Variants in HSD17B12 observed in about 807,000 individuals in gnomAD.
HSD17B12 encodes the protein very-long-chain 3-oxoacyl-CoA reductase.
Under a neutral mutation model 39.3 loss-of-function variants are expected in HSD17B12, and 32 were observed. The ratio of observed to expected loss-of-function variants is 0.81; its 90% CI spans 0.61 to 1.09. The LOEUF (loss-of-function observed/expected upper bound fraction) is 1.09, where lower values mean the gene tolerates loss of function less well. Ranked by LOEUF, HSD17B12 falls within the 50% of genes least tolerant of loss-of-function variation. The pLI is 0.00. For missense variants in HSD17B12, 342 were observed against 382.9 expected (o/e 0.89, Z 0.89); for synonymous variants, 150 against 146.7 (o/e 1.02, Z -0.16).
the HSD17B12 span, among the ~76,000 whole-genome samples, chr11:43,564,780 G>T: frequency 1.3e-5 from 2 of 152,154 alleles, no homozygotes; most frequent in Admixed American, 6.5e-5. Flanking sequence ...TGCTAATACT[G>T]GTGGCCCAGA....
intron 3 of HSD17B12, among the ~76,000 whole-genome samples, chr11:43,791,027 T>A (rs543195999): frequency 3.1e-4 from 47 of 151,654 alleles, no homozygotes; most frequent in African/African-American, 1.1e-3. Context: ...AAAAAAACTG[T>A]GTAGGGTGGG....
chr11:43,586,133 C>T, the HSD17B12 span, among the ~76,000 whole-genome samples: 2 of 152,164 alleles, frequency 1.3e-5, no homozygotes, highest in South Asian at 4.1e-4. Context: ...GCTATCACTA[C>T]CACATAATAC....
the HSD17B12 span, among the ~76,000 whole-genome samples, chr11:43,657,302 C>T: frequency 2.6e-5 from 4 of 152,176 alleles, no homozygotes; most frequent in Non-Finnish European, 5.9e-5. Flanking sequence ...TGTCTCTGCA[C>T]GTGAAATGGG....
intron 5 of HSD17B12, 107 bp downstream of exon 5, chr11:43,815,608 G>C: frequency 1.6e-6 from 1 of 618,598 alleles, no homozygotes; most frequent in South Asian, 3.0e-5. Flanking sequence ...TTCACACGCT[G>C]GCTCTTCTGT....
the HSD17B12 span, among the ~76,000 whole-genome samples, chr11:43,668,523 T>C: frequency 1.3e-5 from 2 of 152,172 alleles, no homozygotes; most frequent in African/African-American, 4.8e-5. Context: ...ATGGATATCT[T>C]TAGAAGGTCA....
At chr11:43,718,502 A>T (rs1287454198) in intron 1 of HSD17B12, among the ~76,000 whole-genome samples, 1 of 152,158 alleles carries the variant, frequency 6.6e-6, no homozygotes, top group Non-Finnish European at 1.5e-5. Flanking sequence ...CCCATCCCCC[A>T]TCCAACATAC....
chr11:43,843,837 C>T lies in HSD17B12; in HGVS notation c.684+3773C>T, dbSNP rs560561492. ...TACCTCTGCCTGCTACTGTCTGGCC[C>T]TTCCCTGTCTCCCCACTTCCATGTA... On this transcript the variant is annotated intron_variant, in intron 9 of 10. Coordinates refer to ENST00000278353, the MANE Select transcript of HSD17B12 (RefSeq NM_016142.3). Among the ~76,000 whole-genome samples, 10 of 152,320 alleles carry T rather than the reference C, an allele frequency of 6.6e-5. No individual in the cohort carries two copies. The East Asian group carries it at 1.9e-3, about 29-fold the overall frequency.
intron 1 of HSD17B12, chr11:43,734,461 G>C (rs1205474067): frequency 4.4e-6 from 3 of 685,984 alleles, no homozygotes; most frequent in Admixed American, 2.1e-5. Flanking sequence ...GCCTGATCGA[G>C]CTGTGTAAGC....
the HSD17B12 span, among the ~76,000 whole-genome samples, chr11:43,613,328 G>T: frequency 6.6e-6 from 1 of 151,764 alleles, no homozygotes. Flanking sequence ...AAAGGCAGAG[G>T]TTGCAGTGAG....
the HSD17B12 span, among the ~76,000 whole-genome samples, chr11:43,667,395 G>T: frequency 6.6e-6 from 1 of 151,908 alleles, no homozygotes; most frequent in Non-Finnish European, 1.5e-5. Context: ...CAAGTGATCC[G>T]CCCGCCTCAG....
intron 3 of HSD17B12, among the ~76,000 whole-genome samples, chr11:43,771,459 A>ATT (rs1950648349): frequency 2.2e-5 from 2 of 92,852 alleles, no homozygotes; most frequent in Admixed American, 1.1e-4. Context: ...GTGGACTCAT[A>ATT]TTCTTTTTTT....
intron 6 of HSD17B12, 120 bp from the exon 7 acceptor site, chr11:43,830,856 C>G: frequency 1.3e-6 from 1 of 756,754 alleles, no homozygotes; most frequent in Non-Finnish European, 2.3e-6. Flanking sequence ...AACCTGCTGT[C>G]TGTAGAAGTG....
intron 7 of HSD17B12, chr11:43,834,173 C>T (rs565182839): frequency 3.3e-5 from 5 of 152,246 alleles, no homozygotes; most frequent in Non-Finnish European, 7.4e-5. Context: ...CCCCTATGTT[C>T]TAAGATTCTT....
At chr11:43,734,032 G>A (rs1950293559) in intron 1 of HSD17B12, 8 of 759,206 alleles carry the variant, frequency 1.1e-5, no homozygotes, top group African/African-American at 1.7e-5. Context: ...ATCACACGGC[G>A]GATCCTCTTC....
At chr11:43,807,173 G>A (rs1056231926) in intron 4 of HSD17B12, among the ~76,000 whole-genome samples, 6 of 152,138 alleles carry the variant, frequency 3.9e-5, no homozygotes, top group African/African-American at 1.4e-4. Context: ...AGCTATAACA[G>A]TAGACAAAAC....
At chr11:43,616,433 AAAC>A in the HSD17B12 span, among the ~76,000 whole-genome samples, 42 of 150,710 alleles carry the variant, frequency 2.8e-4, no homozygotes, top group Middle Eastern at 0.01. Context: ...AACAAAAAAA[AAAC>A]AAACAAACTA....
At chr11:43,719,665 T>C (rs1281222245) in intron 1 of HSD17B12, among the ~76,000 whole-genome samples, 3 of 151,920 alleles carry the variant, frequency 2.0e-5, no homozygotes. Flanking sequence ...TGCCCAGTTC[T>C]GCTCTTTGAG....
At chr11:43,653,330 TA>T in the HSD17B12 span, among the ~76,000 whole-genome samples, 1 of 152,114 alleles carries the variant, frequency 6.6e-6, no homozygotes, top group Non-Finnish European at 1.5e-5. Context: ...ACATAAGAAC[TA>T]AAACCATAAA....
chr11:43,807,961 A>G (rs1412787615), intron 4 of HSD17B12, among the ~76,000 whole-genome samples: 1 of 152,188 alleles, frequency 6.6e-6, no homozygotes, highest in Non-Finnish European at 1.5e-5. Context: ...TTCTATGCCC[A>G]TTTTACAGAC....
Sources: allele counts gnomAD v4.1 joint callset (sites outside exome capture counted in the v4.1 genomes callset), GRCh38; gene constraint gnomAD v4.1.1; transcripts MANE v1.5; gene names NCBI Gene and HGNC (gene_info 2026-07-23, HGNC 2026-07-21).